MED13: variants seen among roughly 807,000 people sequenced by gnomAD.
MED13 encodes the protein mediator of RNA polymerase II transcription subunit 13.
MED13 carries 23 observed loss-of-function variants against 225.2 expected under a neutral mutation model. The ratio of observed to expected loss-of-function variants is 0.10; its 90% confidence interval spans 0.07 to 0.14. The LOEUF is 0.14. Ranked by LOEUF, MED13 falls within the 10% of genes least tolerant of loss-of-function variation. MED13 has a pLI of 1.00. For missense variants in MED13, 2,197 were observed against 2,594.5 expected (o/e 0.85, Z 3.33); for synonymous variants, 942 against 889.2 (o/e 1.06, Z -1.06).
chr17:61,966,004 T>C (rs2080054707), intron 19 of MED13, among the ~76,000 whole-genome samples: 1 of 152,120 alleles, frequency 6.6e-6, no homozygotes, highest in Admixed American at 6.5e-5. Context: ...ACGGGTAGAA[T>C]GAAAGAAAAA....
chr17:62,046,815 G>A (rs2080901393), intron 3 of MED13, among the ~76,000 whole-genome samples: 1 of 151,460 alleles, frequency 6.6e-6, no homozygotes, highest in Non-Finnish European at 1.5e-5. Context: ...CAGCCTGGGT[G>A]ACAAAATAAG....
At chr17:62,024,676 G>C (rs950629338) in intron 8 of MED13, among the ~76,000 whole-genome samples, 1 of 152,010 alleles carries the variant, frequency 6.6e-6, no homozygotes, top group Non-Finnish European at 1.5e-5. Context: ...TATTTTTTCT[G>C]CTCCTCTCCC....
chr17:62,014,300 G>A (rs2080540342), intron 8 of MED13, among the ~76,000 whole-genome samples: 1 of 129,050 alleles, frequency 7.7e-6, no homozygotes, highest in African/African-American at 4.0e-5. Context: ...GGGAAGTTCT[G>A]TATATGTTTT....
chr17:62,056,115 G>T (rs1248139000), intron 2 of MED13, among the ~76,000 whole-genome samples: 1 of 152,154 alleles, frequency 6.6e-6, no homozygotes, highest in Non-Finnish European at 1.5e-5. Flanking sequence ...TGAGAAAAAC[G>T]AGAGTAAGTC....
At chr17:62,001,860 G>A (rs1194119000) in intron 9 of MED13, among the ~76,000 whole-genome samples, 1 of 152,090 alleles carries the variant, frequency 6.6e-6, no homozygotes, top group Non-Finnish European at 1.5e-5. Context: ...CAGTTTTATT[G>A]AAACTGATTT....
rs1374638466 is a variant in MED13 at position 61,972,833 on chromosome 17, T to A, written c.3861A>T (p.Pro1287=). Reference sequence around the variant, plus strand: ...TTTTCTGAATGGCATCCTGAAGAACTGGCTGAAGAGAGAGGAGCATTCGAA... The same window carrying A: ...TTTTCTGAATGGCATCCTGAAGAACAGGCTGAAGAGAGAGGAGCATTCGAA... ...DILRMLLSLQ[P]VLQDAIQKKR... The change falls in exon 17 of 30, where the codon CCA becomes CCT. Residue 1287 remains proline, a synonymous_variant. Transcript: ENST00000397786. 1.2e-6 allele frequency: 2 copies of A among 1,614,030 alleles called. No individual in the cohort carries two copies. Among genetic ancestry groups the A allele is most frequent in the Non-Finnish European group, 1.7e-6 (2 of 1,179,984 alleles).
chr17:62,031,295 G>A, intron 6 of MED13, 149 bp downstream of exon 6: 1 of 664,536 alleles, frequency 1.5e-6, no homozygotes, highest in Non-Finnish European at 2.4e-6. Flanking sequence ...AATAATAACA[G>A]TTTGGAAATA....
In MED13 at chr17:61,987,049, A is replaced by G; in HGVS notation, c.2343T>C (p.Thr781=). 1 of 1,601,762 alleles carries G rather than the reference A, an allele frequency of 6.2e-7. No homozygotes were observed. The highest frequency in any genetic ancestry group is 2.3e-5 in the East Asian group (1 of 43,980). ...CAGAATTGAAGAGATTATCAAGGTC[A>G]GTATAAGAGACAGCCAGGTCTGAGT... The part of the protein sequence containing the change: ...IYDSDLAVSY[T]DLDNLFNSDE... The change falls in exon 12 of 30, where the codon ACT becomes ACC. Residue 781 remains threonine, a synonymous_variant. Transcript: ENST00000397786.
At chr17:61,976,378 TTAGTGGTTGTCTA>T (rs1461955945) in intron 16 of MED13, among the ~76,000 whole-genome samples, 4 of 152,142 alleles carry the variant, frequency 2.6e-5, no homozygotes, top group Admixed American at 6.6e-5. Context: ...GAAAATAGAC[TTAGTGGTTGTCTA>T]TAGCTAGGAA....
At chr17:62,026,284 T>C (rs1000309076) in intron 8 of MED13, among the ~76,000 whole-genome samples, 1 of 152,300 alleles carries the variant, frequency 6.6e-6, no homozygotes, top group East Asian at 1.9e-4. Flanking sequence ...TCATCTATTC[T>C]TCTACCAATC....
At chr17:61,957,522 G>GT (rs2079957624) in intron 23 of MED13, among the ~76,000 whole-genome samples, 1 of 151,694 alleles carries the variant, frequency 6.6e-6, no homozygotes, top group Non-Finnish European at 1.5e-5. Flanking sequence ...GCTAATTTTT[G>GT]TATTTTTAGT....
Position 61,946,232 on chromosome 17 carries a change from G to A in MED13, c.*236C>T, listed in dbSNP as rs746965538. 7.1e-5 allele frequency: 26 copies of A among 368,306 alleles called. No individual in the cohort carries two copies. The highest frequency in any genetic ancestry group is 1.5e-4 in the South Asian group (2 of 13,608). 22.8% of individuals were successfully genotyped at this position (368,306 alleles called of 1,614,324 possible). On this transcript the variant is annotated 3_prime_UTR_variant, in exon 30 of 30. Transcript: ENST00000397786. Reference sequence around the variant, plus strand: ...AAAAAAAAAAGGTTAATTTTGCTACGAAAATGTTATAATACGTTTTGTATG... The same window carrying A: ...AAAAAAAAAAGGTTAATTTTGCTACAAAAATGTTATAATACGTTTTGTATG...
chr17:61,967,780 A>T (rs1007989057), intron 18 of MED13, among the ~76,000 whole-genome samples: 3 of 152,202 alleles, frequency 2.0e-5, no homozygotes, highest in African/African-American at 7.2e-5. Flanking sequence ...AAAAAGCCAC[A>T]TTAAAAGGGA....
At chr17:61,964,938 G>GA (rs202241532) in intron 20 of MED13, 68 bp downstream of exon 20, 2,414 of 1,391,040 alleles carry the variant, frequency 1.7e-3, no homozygotes, top group Non-Finnish European at 1.9e-3. Flanking sequence ...TGTGTCTCAA[G>GA]AAAAAAAAAG....
At chr17:61,983,659 A>C (rs894832022) in intron 15 of MED13, among the ~76,000 whole-genome samples, 1 of 152,142 alleles carries the variant, frequency 6.6e-6, no homozygotes, top group African/African-American at 2.4e-5. Context: ...GCCCAAAAGA[A>C]AAGGTGCTTC....
chr17:62,039,874 C>T (rs1214816449), intron 3 of MED13, among the ~76,000 whole-genome samples: 3 of 152,118 alleles, frequency 2.0e-5, no homozygotes, highest in Non-Finnish European at 4.4e-5. Context: ...GCTGGAATTA[C>T]AGGCGTGAGC....
At chr17:61,971,263 A>G (rs2080105700) in intron 17 of MED13, among the ~76,000 whole-genome samples, 2 of 151,974 alleles carry the variant, frequency 1.3e-5, no homozygotes, top group Middle Eastern at 3.4e-3. Flanking sequence ...GAAATAAATA[A>G]ATAAATATCT....
At chr17:62,019,037 T>C (rs1483535265) in intron 8 of MED13, among the ~76,000 whole-genome samples, 1 of 152,238 alleles carries the variant, frequency 6.6e-6, no homozygotes, top group Non-Finnish European at 1.5e-5. Flanking sequence ...AACTACCACT[T>C]GTCAATTTTT....
At position 61,990,940 on chromosome 17, in the gene MED13, G is replaced by A. The variant is rs1250700411; in HGVS notation, c.2263+1600C>T. 2.6e-5 allele frequency among the ~76,000 whole-genome samples: 4 copies of A among 151,998 alleles called. No individual in the cohort carries two copies. The East Asian group carries it at 7.7e-4, about 29-fold the overall frequency. ...TAACTTGTGTGTGTGGGAAGAAAAT[G>A]ACAGCAAAATTCCAGTAAAGTTTAA... On this transcript the variant is annotated intron_variant, in intron 11 of 29. Transcript: ENST00000397786.
Sources: allele counts gnomAD v4.1 joint callset (sites outside exome capture counted in the v4.1 genomes callset), GRCh38; gene constraint gnomAD v4.1.1; transcripts MANE v1.5; gene names NCBI Gene and HGNC (gene_info 2026-07-23, HGNC 2026-07-21).